The following DNMBP variants were observed in gnomAD, a reference collection of about 807,000 sequenced individuals.
DNMBP encodes dynamin binding protein.
A neutral mutation model predicts 150.0 loss-of-function variants in DNMBP; 87 were observed. That is an observed-to-expected ratio of 0.58 (90% CI 0.49 to 0.69). The LOEUF is 0.69. DNMBP is among the 30% of genes least tolerant of loss of function. The probability of loss-of-function intolerance (pLI) is 0.00; values close to 1 mark genes in which losing one functional copy is unlikely to be tolerated. For missense variants in DNMBP, 1,774 were observed against 1,949.0 expected (o/e 0.91, Z 1.69); for synonymous variants, 711 against 750.4 (o/e 0.95, Z 0.86).
In DNMBP at chr10:99,916,876, C is replaced by G. The variant is rs151207987; in HGVS notation, c.2261-7730G>C. Among the ~76,000 whole-genome samples, 1,390 of 152,190 alleles carry G rather than the reference C, an allele frequency of 9.1e-3. 19 individuals are homozygous for G. The highest frequency in any genetic ancestry group is 0.041 in the Middle Eastern group (12 of 294). The stretch of plus-strand genomic sequence containing the variant: ...TCTGGGTAGAGAGCAGTGGAGTGTG[C>G]CTGTAGTGCCAGCTACTCAGGAGGC... On this transcript the variant is annotated intron_variant, in intron 4 of 16. Transcript: ENST00000324109.
chr10:100,000,859 CAAAAAAAAAAAAAA>C (rs36026874), intron 1 of DNMBP, among the ~76,000 whole-genome samples: 1 of 52,510 alleles, frequency 1.9e-5, no homozygotes, highest in East Asian at 8.1e-4. Context: ...CCTGTTATGG[CAAAAAAAAAAAAAA>C]AAAAAAAAAA....
chr10:99,900,544 C>CA (rs1206461859), intron 6 of DNMBP, among the ~76,000 whole-genome samples: 2 of 152,164 alleles, frequency 1.3e-5, no homozygotes, highest in African/African-American at 4.8e-5. Context: ...ACAGAGCCTC[C>CA]AGTCCCTTTG....
intron 1 of DNMBP, among the ~76,000 whole-genome samples, chr10:99,999,858 G>A (rs1258837138): frequency 6.6e-6 from 1 of 152,138 alleles, no homozygotes; most frequent in Non-Finnish European, 1.5e-5. Flanking sequence ...CAGGCAGGCA[G>A]CAGAGTTTAA....
intron 1 of DNMBP, among the ~76,000 whole-genome samples, chr10:100,007,959 C>G (rs2041093052): frequency 6.6e-6 from 1 of 152,210 alleles, no homozygotes; most frequent in Non-Finnish European, 1.5e-5. Flanking sequence ...TGAATGAATT[C>G]TAAGGATGCT....
rs758763662 is a variant in DNMBP, at chr10:99,896,249, C to T, written c.3051+18G>A. The T allele has an allele frequency of 3.7e-6, 6 of 1,613,070 alleles. No individual in the cohort carries two copies. The highest frequency in any genetic ancestry group is 3.4e-6 in the Non-Finnish European group (4 of 1,179,416). ...AGCTGTCAAAGATGCGCTAAGCCTTCCAGGATGGGGATCTCACCTGAGGAG... is the reference window on the plus strand; with the variant it reads ...AGCTGTCAAAGATGCGCTAAGCCTTTCAGGATGGGGATCTCACCTGAGGAG... On this transcript the variant is annotated intron_variant, in intron 10 of 16. Coordinates refer to ENST00000324109, the MANE Select transcript of DNMBP (RefSeq NM_015221.4).
intron 6 of DNMBP, among the ~76,000 whole-genome samples, chr10:99,903,080 A>G (rs560719709): frequency 6.7e-6 from 1 of 148,742 alleles, no homozygotes; most frequent in Non-Finnish European, 1.5e-5. Context: ...GACTACAGGT[A>G]TGTGCTACCA....
At chr10:99,890,493 G>A (rs758128280) in intron 11 of DNMBP, among the ~76,000 whole-genome samples, 1 of 152,102 alleles carries the variant, frequency 6.6e-6, no homozygotes, top group Non-Finnish European at 1.5e-5. Context: ...ATGGAGGTGA[G>A]CCTTTTAAGG....
intron 4 of DNMBP, among the ~76,000 whole-genome samples, chr10:99,929,305 GA>G: frequency 6.6e-6 from 1 of 151,094 alleles, no homozygotes; most frequent in South Asian, 2.1e-4. Context: ...ACAAAAACAT[GA>G]AAGTAAGAAA....
Position 99,896,381 on chromosome 10 carries a change from C to T in DNMBP, c.2937G>A (p.Lys979=), listed in dbSNP as rs1295235366. The change falls in exon 10 of 17, where the codon AAG becomes AAA. Residue 979 remains lysine, a synonymous_variant. Coordinates refer to ENST00000324109, the MANE Select transcript of DNMBP (RefSeq NM_015221.4). ...TCTCCATAAGGCTATCTTCATCACC[C>T]TTACGGTACTTGAGGACTAGGGAGT... ...RRKDLVLKYR[K]GDEDSLMEKI... 1 of 1,614,144 alleles carries T rather than the reference C, an allele frequency of 6.2e-7. No homozygotes were observed. Among genetic ancestry groups the T allele is most frequent in the Admixed American group, 1.7e-5 (1 of 60,018 alleles).
At chr10:99,951,333 G>A (rs559333935) in intron 4 of DNMBP, among the ~76,000 whole-genome samples, 81 of 152,312 alleles carry the variant, frequency 5.3e-4, no homozygotes, top group Middle Eastern at 3.4e-3. Context: ...AAAATGTGGG[G>A]TCAGAGCCTC....
chr10:99,885,536 A>G (rs2039443124), intron 14 of DNMBP, 151 bp downstream of exon 14: 9 of 727,444 alleles, frequency 1.2e-5, no homozygotes, highest in Non-Finnish European at 1.9e-5. Flanking sequence ...TGGCGAATGC[A>G]TGAGCCCATG....
intron 3 of DNMBP, 153 bp from the exon 4 acceptor site, chr10:99,957,358 G>T: frequency 1.4e-6 from 1 of 707,052 alleles, no homozygotes; most frequent in Non-Finnish European, 2.3e-6. Flanking sequence ...ACAATTTATT[G>T]AATTGGAGCA....
intron 4 of DNMBP, among the ~76,000 whole-genome samples, chr10:99,935,106 A>G (rs866845661): frequency 0.036 from 5,405 of 149,170 alleles, 136 homozygotes; most frequent in South Asian, 0.069. Context: ...AAAAAAAAAA[A>G]AAAAAAAGAA....
intron 1 of DNMBP, among the ~76,000 whole-genome samples, chr10:100,005,786 C>CAAAAAAAAAAAAAAAAAAAA (rs1589458237): frequency 1.5e-4 from 15 of 101,068 alleles, no homozygotes; most frequent in Non-Finnish European, 1.9e-4. Flanking sequence ...AAAAAAAAAC[C>CAAAAAAAAAAAAAAAAAAAA]AAACTACATA....
At chr10:99,915,642 G>A (rs759270548) in intron 4 of DNMBP, among the ~76,000 whole-genome samples, 5 of 152,128 alleles carry the variant, frequency 3.3e-5, no homozygotes, top group Admixed American at 6.5e-5. Flanking sequence ...CTGGGCCTTC[G>A]AGGTTGAGGT....
intron 14 of DNMBP, among the ~76,000 whole-genome samples, chr10:99,885,368 G>C (rs1411855920): frequency 6.6e-6 from 1 of 152,092 alleles, no homozygotes; most frequent in African/African-American, 2.4e-5. Context: ...AAATTAGCTG[G>C]GCGTAGTGGC....
chr10:99,881,475 C>T (rs965470035), intron 15 of DNMBP, among the ~76,000 whole-genome samples: 2 of 152,200 alleles, frequency 1.3e-5, no homozygotes, highest in African/African-American at 2.4e-5. Context: ...TGAGCATCCA[C>T]GTGACAATTT....
At chr10:99,961,543 T>C (rs559951626) in intron 3 of DNMBP, among the ~76,000 whole-genome samples, 2 of 148,402 alleles carry the variant, frequency 1.3e-5, no homozygotes, top group Non-Finnish European at 3.0e-5. Context: ...ATTTCAGGTA[T>C]GAGCCACTGT....
intron 1 of DNMBP, among the ~76,000 whole-genome samples, chr10:100,008,243 A>G (rs1269536134): frequency 6.6e-6 from 1 of 152,256 alleles, no homozygotes; most frequent in Non-Finnish European, 1.5e-5. Context: ...ACAAATAAAT[A>G]ACTGGTGCAT....
Sources: gnomAD v4.1 joint callset for allele counts (sites outside exome capture counted in the v4.1 genomes callset) on GRCh38, gnomAD v4.1.1 for gene constraint, MANE v1.5 for transcripts, NCBI Gene and HGNC (gene_info 2026-07-23, HGNC 2026-07-21) for gene names.